Variants in PEX5L observed in about 807,000 individuals in gnomAD.
PEX5L encodes the protein peroxisomal biogenesis factor 5 like.
PEX5L carries 30 observed loss-of-function variants against 84.0 expected under a neutral mutation model. The observed-to-expected ratio is 0.36, with a 90% confidence interval of 0.27 to 0.48. The LOEUF (loss-of-function observed/expected upper bound fraction) is 0.48, where lower values mean the gene tolerates loss of function less well. Among genes scored for constraint, PEX5L ranks in the 20% least tolerant of loss-of-function variants. PEX5L has a pLI of 0.99. For synonymous variants in PEX5L, 270 were observed against 283.1 expected (o/e 0.95, Z 0.46); for missense variants, 533 against 754.6 (o/e 0.71, Z 3.44).
At chr3:179,847,474 A>T (rs569132244) in intron 8 of PEX5L, among the ~76,000 whole-genome samples, 1 of 152,306 alleles carries the variant, frequency 6.6e-6, no homozygotes, top group Non-Finnish European at 1.5e-5. Context: ...TTTAGTTATT[A>T]AACAGCTATA....
rs1761990308 is a variant in PEX5L at position 179,903,185 on chromosome 3, T to C, written c.94-4939A>G. Among the ~76,000 whole-genome samples the C allele has an allele frequency of 2.0e-5, 3 of 152,176 alleles. No individual in the cohort carries two copies. In the South Asian group the frequency reaches 6.2e-4, roughly 31 times the overall value. On this transcript the variant is annotated intron_variant, in intron 2 of 14. Transcript: ENST00000467460. ...TTGAATATATTTCTTTATGTATACA[T>C]ACATGTAAACAAACTCCTGCCATCT... is the stretch of plus-strand genomic sequence containing the variant.
chr3:179,822,647 G>A (rs1728934369), intron 8 of PEX5L, among the ~76,000 whole-genome samples: 1 of 152,136 alleles, frequency 6.6e-6, no homozygotes, highest in Non-Finnish European at 1.5e-5. Context: ...AAACATATCT[G>A]AATTTTAAAG....
chr3:179,849,629 T>C (rs1020740761), intron 8 of PEX5L, among the ~76,000 whole-genome samples: 12 of 152,378 alleles, frequency 7.9e-5, no homozygotes, highest in African/African-American at 2.9e-4. Flanking sequence ...ACTGTCCCAC[T>C]GGTGTTTAGA....
chr3:179,847,081 G>GTGTGTA (rs777216967), intron 8 of PEX5L, among the ~76,000 whole-genome samples: 109 of 105,590 alleles, frequency 1.0e-3, no homozygotes, highest in African/African-American at 3.1e-3. Flanking sequence ...GTGTGTGTGT[G>GTGTGTA]TATATATATA....
chr3:179,900,615 A>G (rs1458596113), intron 2 of PEX5L: 1 of 1,185,550 alleles, frequency 8.4e-7, no homozygotes, highest in Non-Finnish European at 1.2e-6. Context: ...GTCAGCTAGA[A>G]AGGATGTACA....
At chr3:179,889,582 GC>G (rs1756987742) in intron 3 of PEX5L, among the ~76,000 whole-genome samples, 1 of 152,094 alleles carries the variant, frequency 6.6e-6, no homozygotes, top group South Asian at 2.1e-4. Context: ...ATTATTGTAA[GC>G]TTTGGTATTA....
intron 1 of PEX5L, among the ~76,000 whole-genome samples, chr3:180,033,637 C>T (rs1234109218): frequency 6.6e-6 from 1 of 152,072 alleles, no homozygotes; most frequent in African/African-American, 2.4e-5. Context: ...GACCATAGGC[C>T]CTCAATGAGC....
chr3:179,830,544 T>C (rs1732452565), intron 8 of PEX5L, among the ~76,000 whole-genome samples: 1 of 152,186 alleles, frequency 6.6e-6, no homozygotes, highest in South Asian at 2.1e-4. Flanking sequence ...TGAGCTAATA[T>C]ACAGCTATTC....
chr3:179,914,329 A>T (rs1460947181), intron 2 of PEX5L, among the ~76,000 whole-genome samples: 2 of 152,116 alleles, frequency 1.3e-5, no homozygotes, highest in Non-Finnish European at 2.9e-5. Flanking sequence ...ACTACTCACC[A>T]TTACACATTA....
Position 179,997,623 on chromosome 3 carries a change from A to G in PEX5L, c.22-25958T>C, listed in dbSNP as rs9861049. 8.8e-3 allele frequency among the ~76,000 whole-genome samples: 1,348 copies of G among 152,358 alleles called. 18 individuals carry two copies. The highest frequency in any genetic ancestry group is 0.031 in the African/African-American group (1,286 of 41,582). The stretch of plus-strand genomic sequence containing the variant: ...ATGCAGGGGTGGTAATTCCCACCAC[A>G]TCCCCATTCAACTCTCCCATTTGGC... On this transcript the variant is annotated intron_variant, in intron 1 of 14. Coordinates refer to ENST00000467460, the MANE Select transcript of PEX5L (RefSeq NM_016559.3).
intron 2 of PEX5L, among the ~76,000 whole-genome samples, chr3:179,939,572 T>C (rs1775498441): frequency 6.6e-6 from 1 of 152,202 alleles, no homozygotes; most frequent in Non-Finnish European, 1.5e-5. Flanking sequence ...TAACTACAGA[T>C]ACATAGACTT....
At chr3:179,947,870 C>T (rs1778028316) in intron 2 of PEX5L, among the ~76,000 whole-genome samples, 2 of 152,090 alleles carry the variant, frequency 1.3e-5, no homozygotes, top group East Asian at 1.9e-4. Flanking sequence ...CCACGCCTGG[C>T]TAATTTTTTG....
At chr3:179,829,943 A>ATTTTTTTTTTTTTTTTTT (rs11352022) in intron 8 of PEX5L, among the ~76,000 whole-genome samples, 7 of 83,610 alleles carry the variant, frequency 8.4e-5, no homozygotes, top group African/African-American at 9.8e-5. Context: ...GGCCTGGCTA[A>ATTTTTTTTTTTTTTTTTT]TTTTTTTTTT....
chr3:179,802,011 G>A lies in PEX5L; in HGVS notation c.1698C>T (p.Leu566=). Residue 566 remains leucine, a synonymous_variant, in exon 15 of 15, where the codon CTC becomes CTT. Transcript: ENST00000467460. ...TCTTTCTTTGCAAACTGAGGGCAGTGAGAAAATTGCTGACCGCTTCTCTAA... is the reference window on the plus strand; with the variant it reads ...TCTTTCTTTGCAAACTGAGGGCAGTAAGAAAATTGCTGACCGCTTCTCTAA... ...GAYREAVSNF[L]TALSLQRKSR... is the part of the protein sequence containing the mutation. 6.2e-7 allele frequency: 1 copy of A among 1,612,936 alleles called. No homozygotes were observed. Among genetic ancestry groups the A allele is most frequent in the Non-Finnish European group, 8.5e-7 (1 of 1,179,090 alleles).
At chr3:179,968,218 C>G (rs1374824061) in intron 2 of PEX5L, among the ~76,000 whole-genome samples, 2 of 152,112 alleles carry the variant, frequency 1.3e-5, no homozygotes, top group African/African-American at 2.4e-5. Flanking sequence ...AAATTGTTAT[C>G]TAGGTCCAGC....
At chr3:179,951,243 T>C (rs1046406884) in intron 2 of PEX5L, among the ~76,000 whole-genome samples, 2 of 152,240 alleles carry the variant, frequency 1.3e-5, no homozygotes. Context: ...ATTATTTTTG[T>C]CAGTTTGAGT....
At chr3:179,975,476 G>A (rs1440964680) in intron 1 of PEX5L, among the ~76,000 whole-genome samples, 1 of 152,088 alleles carries the variant, frequency 6.6e-6, no homozygotes, top group Non-Finnish European at 1.5e-5. Context: ...CACTTGATTT[G>A]GCTAATTGTA....
intron 2 of PEX5L, among the ~76,000 whole-genome samples, chr3:179,952,027 T>C (rs1779220494): frequency 6.6e-6 from 1 of 152,220 alleles, no homozygotes; most frequent in Non-Finnish European, 1.5e-5. Flanking sequence ...ATTGTTACAA[T>C]AGTGACTTTT....
chr3:179,851,651 T>C (rs1741943081), intron 8 of PEX5L, among the ~76,000 whole-genome samples: 1 of 152,186 alleles, frequency 6.6e-6, no homozygotes, highest in Admixed American at 6.5e-5. Context: ...TTGAGGGTTG[T>C]GCCCTCTGCA....
Sources: gnomAD v4.1 joint callset for allele counts (sites outside exome capture counted in the v4.1 genomes callset) on GRCh38, gnomAD v4.1.1 for gene constraint, MANE v1.5 for transcripts, NCBI Gene and HGNC (gene_info 2026-07-23, HGNC 2026-07-21) for gene names.